The following SRGAP3 variants were observed in gnomAD, a reference collection of about 807,000 sequenced individuals.
The protein encoded by SRGAP3 is SLIT-ROBO Rho GTPase-activating protein 3.
A neutral mutation model predicts 121.1 loss-of-function variants in SRGAP3; 39 were observed. The ratio of observed to expected loss-of-function variants is 0.32; its 90% CI spans 0.25 to 0.42. The LOEUF is 0.42. Ranked by LOEUF, SRGAP3 falls within the 10% of genes least tolerant of loss-of-function variation. The probability of loss-of-function intolerance (pLI) is 1.00; values close to 1 mark genes in which losing one functional copy is unlikely to be tolerated. For missense variants in SRGAP3, 1,213 were observed against 1,470.6 expected, an observed-to-expected ratio of 0.82 and a Z score of 2.86; for synonymous variants, 601 against 570.0, an observed-to-expected ratio of 1.05 and a Z score of -0.77.
chr3:9,030,710 A>G (rs1944442785), intron 12 of SRGAP3, among the ~76,000 whole-genome samples: 1 of 152,202 alleles, frequency 6.6e-6, no homozygotes. Context: ...TCAACAGAAT[A>G]TCTACTTGTC....
chr3:9,095,553 A>G (rs1947933306), intron 3 of SRGAP3, among the ~76,000 whole-genome samples: 1 of 152,194 alleles, frequency 6.6e-6, no homozygotes, highest in South Asian at 2.1e-4. Flanking sequence ...GAAAAGGACA[A>G]TCAGTTGAAT....
At chr3:9,248,828 G>A (rs1273207571) in intron 1 of SRGAP3, 57 bp downstream of exon 1, 43 of 1,565,202 alleles carry the variant, frequency 2.7e-5, no homozygotes, top group Non-Finnish European at 3.8e-5. Context: ...ATGGGAACCA[G>A]AACAAGAGAA....
Position 9,209,722 on chromosome 3 carries a change from A to C in SRGAP3, c.67+39163T>G, listed in dbSNP as rs553386229. Among the ~76,000 whole-genome samples the C allele has an allele frequency of 3.9e-5, 6 of 152,342 alleles. 1 individual carries two copies. The South Asian group carries it at 1.2e-3, about 32-fold the overall frequency. On this transcript the variant is annotated intron_variant, in intron 1 of 21. Transcript: ENST00000383836. The stretch of plus-strand genomic sequence containing the variant: ...TTTATATCATCCCAAAAAGTTGAAA[A>C]CCAAGTAAATTGCCACCAATGGAGT...
chr3:9,101,482 T>A (rs1419618813), intron 3 of SRGAP3, among the ~76,000 whole-genome samples: 1 of 152,058 alleles, frequency 6.6e-6, no homozygotes, highest in Admixed American at 6.5e-5. Context: ...GACCAAAATA[T>A]CCCATTCTGG....
chr3:9,042,533 A>G lies in SRGAP3; in HGVS notation c.1409-4443T>C, dbSNP rs1945069172. ...AAAATAGAACTTGGGGCAAATCAAC[A>G]GGCAACTCCTTAATTCCTGAGCAAA... On this transcript the variant is annotated intron_variant, in intron 10 of 21. Coordinates refer to ENST00000383836, the MANE Select transcript of SRGAP3 (RefSeq NM_014850.4). Among the ~76,000 whole-genome samples the G allele has an allele frequency of 2.6e-5, 4 of 152,162 alleles. No homozygotes were observed. The South Asian group carries it at 6.2e-4, about 24-fold the overall frequency.
intron 1 of SRGAP3, among the ~76,000 whole-genome samples, chr3:9,148,612 T>C (rs1164271173): frequency 1.3e-5 from 2 of 152,206 alleles, no homozygotes; most frequent in Non-Finnish European, 2.9e-5. Context: ...GCATCCATTA[T>C]TTATTTGACC....
intron 2 of SRGAP3, among the ~76,000 whole-genome samples, chr3:9,117,272 T>C (rs1948840348): frequency 6.6e-6 from 1 of 152,260 alleles, no homozygotes; most frequent in Non-Finnish European, 1.5e-5. Flanking sequence ...TGTTTAGGAA[T>C]AGCCTGGAAG....
chr3:9,110,690 C>T (rs420426), intron 2 of SRGAP3, among the ~76,000 whole-genome samples: 60,053 of 152,258 alleles, frequency 0.39, 12,803 homozygotes, highest in Non-Finnish European at 0.49. Context: ...GCTGGGTCTG[C>T]ACCCCCACCT....
chr3:9,131,569 G>A (rs1949449983), intron 1 of SRGAP3, among the ~76,000 whole-genome samples: 1 of 149,534 alleles, frequency 6.7e-6, no homozygotes, highest in South Asian at 2.1e-4. Flanking sequence ...TTCCCAAGTA[G>A]CTGGGGACTA....
At chr3:9,343,813 C>T (rs929545800) in intron 1 of SRGAP3, among the ~76,000 whole-genome samples, 7 of 152,134 alleles carry the variant, frequency 4.6e-5, no homozygotes, top group Non-Finnish European at 8.8e-5. Context: ...AGGACTACAG[C>T]GCACAGTATC....
chr3:8,998,852 T>C (rs1232198143), intron 18 of SRGAP3, among the ~76,000 whole-genome samples: 4 of 152,202 alleles, frequency 2.6e-5, no homozygotes, highest in Non-Finnish European at 2.9e-5. Flanking sequence ...CCTCATTTCA[T>C]AGATGAGGGA....
intron 1 of SRGAP3, among the ~76,000 whole-genome samples, chr3:9,220,114 A>C (rs969747716): frequency 6.6e-6 from 1 of 152,140 alleles, no homozygotes; most frequent in Non-Finnish European, 1.5e-5. Context: ...TCTGGTGTTC[A>C]AAAGCACAAT....
intron 10 of SRGAP3, among the ~76,000 whole-genome samples, chr3:9,045,313 C>G (rs936428092): frequency 6.6e-6 from 1 of 152,256 alleles, no homozygotes; most frequent in South Asian, 2.1e-4. Flanking sequence ...TACGGAGACT[C>G]TTCCAGTTGG....
chr3:9,020,864 A>C (rs1030696786), intron 14 of SRGAP3, among the ~76,000 whole-genome samples: 4 of 152,224 alleles, frequency 2.6e-5, no homozygotes, highest in African/African-American at 9.6e-5. Context: ...ACACTTAGCT[A>C]GCTAATGTCC....
chr3:9,190,129 T>C lies in SRGAP3; in HGVS notation c.67+58756A>G, dbSNP rs867986769. 5.3e-5 allele frequency among the ~76,000 whole-genome samples: 8 copies of C among 152,182 alleles called. No homozygotes were observed. The South Asian group carries it at 1.5e-3, about 28-fold the overall frequency. On this transcript the variant is annotated intron_variant, in intron 1 of 21. Coordinates refer to ENST00000383836, the MANE Select transcript of SRGAP3 (RefSeq NM_014850.4). ...AGTAGGGATTGACACACGGCAAGAA[T>C]AGAACAGAACTGGGTCTAGAAACAT...
chr3:9,016,552 G>C lies in SRGAP3; in HGVS notation c.1679-821C>G, dbSNP rs573771768. On this transcript the variant is annotated intron_variant, in intron 14 of 21. Coordinates refer to ENST00000383836, the MANE Select transcript of SRGAP3 (RefSeq NM_014850.4). ...TCCTGCTGCTGGTGATGCCAACCTT[G>C]ATCACTGGGTCAAGGTGTTGGCCTC... 4.6e-5 allele frequency among the ~76,000 whole-genome samples: 7 copies of C among 152,298 alleles called. No individual in the cohort carries two copies. In the East Asian group the frequency reaches 7.7e-4, roughly 17 times the overall value.
intron 1 of SRGAP3, among the ~76,000 whole-genome samples, chr3:9,199,357 GT>G (rs1460521128): frequency 4.6e-5 from 7 of 152,172 alleles, no homozygotes; most frequent in Non-Finnish European, 1.0e-4. Flanking sequence ...GTTCGGTTTT[GT>G]TTTCCCGTTT....
chr3:9,323,301 C>CA (rs1304560957), intron 3 of SRGAP3, among the ~76,000 whole-genome samples: 1 of 151,020 alleles, frequency 6.6e-6, no homozygotes, highest in Non-Finnish European at 1.5e-5. Context: ...AACTATATAC[C>CA]AAAAAAAGTT....
At chr3:9,154,999 T>G (rs1324465354) in intron 1 of SRGAP3, among the ~76,000 whole-genome samples, 1 of 148,718 alleles carries the variant, frequency 6.7e-6, no homozygotes, top group Admixed American at 6.6e-5. Flanking sequence ...ATGTTTTTTG[T>G]TTTTTGTTTT....
Sources: allele counts gnomAD v4.1 joint callset (sites outside exome capture counted in the v4.1 genomes callset), GRCh38; gene constraint gnomAD v4.1.1; transcripts MANE v1.5; gene names NCBI Gene and HGNC (gene_info 2026-07-23, HGNC 2026-07-21).